Variants in SCO1 observed in about 807,000 individuals in gnomAD.
The protein encoded by SCO1 is cytochrome c oxidase assembly factor SCO1.
In SCO1, 23 loss-of-function variants were observed where a neutral mutation model predicts 34.0. The observed-to-expected ratio is 0.68, with a 90% confidence interval of 0.49 to 0.96. The LOEUF (loss-of-function observed/expected upper bound fraction) is 0.96, where lower values mean the gene tolerates loss of function less well. Among genes scored for constraint, SCO1 ranks in the 40% least tolerant of loss-of-function variants. The pLI, the probability that SCO1 is intolerant of heterozygous loss-of-function variation, is 0.00. For synonymous variants in SCO1, 161 were observed against 145.5 expected (o/e 1.11, Z -0.77); for missense variants, 404 against 381.6 (o/e 1.06, Z -0.49).
Position 10,688,869 on chromosome 17 carries a change from C to G in SCO1, c.656-2027G>C, listed in dbSNP as rs530852271. On this transcript the variant is annotated intron_variant, in intron 4 of 5. Transcript: ENST00000255390. ...CGGTGGCTCACGCCTGTAATCCCAG[C>G]ACTTTGGGAGGCCGAGGCGGGCGGA... is the stretch of plus-strand genomic sequence containing the variant. Among the ~76,000 whole-genome samples, 37 of 141,056 alleles carry G rather than the reference C, an allele frequency of 2.6e-4. 1 individual carries two copies. The highest frequency in any genetic ancestry group is 1.2e-3 in the African/African-American group (37 of 31,268). 92.5% of individuals were successfully genotyped at this position (141,056 alleles called of 152,430 possible).
chr17:10,693,001 C>T (rs1335222632), intron 2 of SCO1, 40 bp from the exon 3 acceptor site: 1 of 1,577,696 alleles, frequency 6.3e-7, no homozygotes, highest in Non-Finnish European at 8.7e-7. Context: ...AAAAAAAAGT[C>T]AATTTAACCA....
At chr17:10,692,316 A>G (rs1280366162) in intron 3 of SCO1, among the ~76,000 whole-genome samples, 2 of 152,154 alleles carry the variant, frequency 1.3e-5, no homozygotes, top group Non-Finnish European at 2.9e-5. Context: ...CTCCCACCAT[A>G]TCTCAAGGGC....
chr17:10,686,791 T>C lies in SCO1; in HGVS notation c.707A>G (p.Gln236Arg). The change falls in exon 5 of 6, where the codon CAA becomes CGA. Residue 236 changes from glutamine to arginine, a missense_variant. Transcript: ENST00000255390. Reference protein sequence around the residue: ...GLTGTREEVDQVARAYRVYYS... With the variant: ...GLTGTREEVDRVARAYRVYYS... ...ATACACTCTGTATGCTCTGGCCACT[T>C]GATCGACCTCTTCTCTCGTGCCAGT... is the stretch of plus-strand genomic sequence containing the variant. The C allele has an allele frequency of 1.2e-6, 2 of 1,614,118 alleles. No homozygotes were observed. The highest frequency in any genetic ancestry group is 2.2e-5 in the South Asian group (2 of 91,080).
At chr17:10,695,598 T>C in intron 2 of SCO1, 143 bp downstream of exon 2, 1 of 621,354 alleles carries the variant, frequency 1.6e-6, no homozygotes, top group Middle Eastern at 3.6e-4. Context: ...GGGTGAAAGG[T>C]ATGTAGAACC....
intron 1 of SCO1, among the ~76,000 whole-genome samples, chr17:10,696,228 T>A (rs928511094): frequency 2.0e-5 from 3 of 152,094 alleles, no homozygotes; most frequent in Admixed American, 6.6e-5. Context: ...GTGGATCACC[T>A]GAGGTCGGGA....
chr17:10,681,146 G>A lies in SCO1; in HGVS notation c.879C>T (p.His293=). The change falls in exon 6 of 6, where the codon CAC becomes CAT. Residue 293 remains histidine, a synonymous_variant. Coordinates refer to ENST00000255390, the MANE Select transcript of SCO1 (RefSeq NM_004589.4). Reference sequence around the variant, plus strand: ...AGCTCTTTTTTCTGTATGGCCTCATGTGTGTGGCAATTGAAGCAGCTATTT... The same window carrying A: ...AGCTCTTTTTTCTGTATGGCCTCATATGTGTGGCAATTGAAGCAGCTATTT... ...KGEIAASIAT[H]MRPYRKKS 6.2e-7 allele frequency: 1 copy of A among 1,614,180 alleles called. No homozygotes were observed.
chr17:10,678,572 A>G lies in SCO1; in HGVS notation c.*2547T>C, dbSNP rs2074597665. On this transcript the variant is annotated 3_prime_UTR_variant, in exon 6 of 6. Coordinates refer to ENST00000255390, the MANE Select transcript of SCO1 (RefSeq NM_004589.4). ...ACACAAATGTTTTGTGGCTTAAAAC[A>G]GATAATCTTTTTAAAGATTTGGCCT... The G allele has an allele frequency of 6.6e-6, 1 of 152,246 alleles. No individual in the cohort carries two copies. Among genetic ancestry groups the G allele is most frequent in the Non-Finnish European group, 1.5e-5 (1 of 68,046 alleles). The allele number at this position is 152,246 out of a possible 1,614,324, so 9.4% of individuals were successfully genotyped here. A position where few individuals can be genotyped will look rare whatever the true frequency, so the allele number is the denominator to read the frequency against.
At position 10,680,965 on chromosome 17, in the gene SCO1, G is replaced by A. The variant is rs1036606717; in HGVS notation, c.*154C>T. ...AAGAATCAATTTTGGTTGAACGCAA[G>A]GGTAACATCCCCATCCAAAACAGAA... On this transcript the variant is annotated 3_prime_UTR_variant, in exon 6 of 6. Coordinates refer to ENST00000255390, the MANE Select transcript of SCO1 (RefSeq NM_004589.4). The A allele has an allele frequency of 1.1e-5, 10 of 922,602 alleles. No homozygotes were observed. The African/African-American group carries it at 1.6e-4, about 15-fold the overall frequency. The allele number at this position is 922,602 out of a possible 1,614,324, so 57.2% of individuals were successfully genotyped here.
intron 2 of SCO1, among the ~76,000 whole-genome samples, chr17:10,694,385 T>C (rs1020919468): frequency 2.6e-5 from 4 of 152,182 alleles, no homozygotes; most frequent in African/African-American, 9.7e-5. Flanking sequence ...TGGCAAAACT[T>C]GGAAGACTGA....
intron 4 of SCO1, 142 bp from the exon 5 acceptor site, chr17:10,686,984 G>C (rs2074660903): frequency 1.5e-6 from 1 of 674,898 alleles, no homozygotes; most frequent in Non-Finnish European, 2.7e-6. Flanking sequence ...ACGATTCAAA[G>C]GAAAAGGAGA....
intron 2 of SCO1, among the ~76,000 whole-genome samples, chr17:10,694,124 A>C (rs2074707718): frequency 6.6e-6 from 1 of 152,244 alleles, no homozygotes; most frequent in Admixed American, 6.5e-5. Flanking sequence ...TGCACGGAGA[A>C]TACAGCATCA....
intron 4 of SCO1, 131 bp from the exon 5 acceptor site, chr17:10,686,973 C>A: frequency 1.4e-6 from 1 of 699,604 alleles, no homozygotes; most frequent in East Asian, 2.7e-5. Context: ...AACATTTCTT[C>A]ACGATTCAAA....
chr17:10,693,814 G>A (rs1467480823), intron 2 of SCO1, among the ~76,000 whole-genome samples: 1 of 152,246 alleles, frequency 6.6e-6, no homozygotes, highest in Non-Finnish European at 1.5e-5. Context: ...ACAGAAGCCT[G>A]CTCCAAGGGG....
Position 10,697,332 on chromosome 17 carries a change from C to G in SCO1, c.176G>C (p.Gly59Ala), listed in dbSNP as rs559882623. Residue 59 changes from glycine to alanine, a missense_variant, in exon 1 of 6, where the codon GGC becomes GCC. Gly to Ala is a moderately conservative substitution (Grantham distance 60). Coordinates refer to ENST00000255390, the MANE Select transcript of SCO1 (RefSeq NM_004589.4). The stretch of plus-strand genomic sequence containing the variant: ...GAGGGGCCGGGTTCCCAGGCAATAG[C>G]CAGGGCGCCCCGAGGCACGCCACGC... ...AEAWRASGRP[G>A]YCLGTRPLST... is the part of the protein sequence containing the mutation. 6.4e-7 allele frequency: 1 copy of G among 1,572,778 alleles called. No homozygotes were observed. Among genetic ancestry groups the G allele is most frequent in the Non-Finnish European group, 8.6e-7 (1 of 1,159,830 alleles).
Position 10,681,052 on chromosome 17 carries a change from G to C in SCO1, c.*67C>G. ...ACGTATATATGTTTATATTTATATA[G>C]GCTCCTATGCGAGACAGTTTCCTTC... On this transcript the variant is annotated 3_prime_UTR_variant, in exon 6 of 6. Coordinates refer to ENST00000255390, the MANE Select transcript of SCO1 (RefSeq NM_004589.4). 6.4e-7 allele frequency: 1 copy of C among 1,558,482 alleles called. No individual in the cohort carries two copies. The highest frequency in any genetic ancestry group is 8.9e-7 in the Non-Finnish European group (1 of 1,129,706).
rs767819826 is a variant in SCO1 at position 10,675,161 on chromosome 17, C to A, written c.*5958G>T. 4.6e-5 allele frequency: 7 copies of A among 152,246 alleles called. No homozygotes were observed. Among genetic ancestry groups the A allele is most frequent in the Non-Finnish European group, 7.3e-5 (5 of 68,082 alleles). 9.4% of individuals were successfully genotyped at this position (152,246 alleles called of 1,614,324 possible). On this transcript the variant is annotated 3_prime_UTR_variant, in exon 6 of 6. Transcript: ENST00000255390. ...AGCGATTGATTTCCTGCCCCTTCAACTGAGGGTGAGAAGACACTGTCTCTG... is the reference window on the plus strand; with the variant it reads ...AGCGATTGATTTCCTGCCCCTTCAAATGAGGGTGAGAAGACACTGTCTCTG...
chr17:10,686,744 C>T lies in SCO1; in HGVS notation c.754G>A (p.Glu252Lys), dbSNP rs374059293. ...TTACTCACTATGTAGTCTTCATCTT[C>T]GTCCTTGGGGCCAGGGCTGTAATAC... ...RVYYSPGPKD[E>K]DEDYIVDHTI... Residue 252 changes from glutamate (E) to lysine (K), a missense_variant, in exon 5 of 6, where the codon GAA (glutamate) becomes AAA (lysine). Physicochemically the swap from Glu to Lys is moderately conservative, Grantham distance 56. Coordinates refer to ENST00000255390, the MANE Select transcript of SCO1 (RefSeq NM_004589.4). 1.9e-6 allele frequency: 3 copies of T among 1,609,848 alleles called. No homozygotes were observed. Among genetic ancestry groups the T allele is most frequent in the Non-Finnish European group, 2.6e-6 (3 of 1,176,122 alleles).
In SCO1 at chr17:10,681,124, T is replaced by C; in HGVS notation, c.901A>G (p.Ser301Gly). 1.2e-6 allele frequency: 2 copies of C among 1,614,230 alleles called. No homozygotes were observed. The highest frequency in any genetic ancestry group is 1.7e-6 in the Non-Finnish European group (2 of 1,180,042). The part of the protein sequence containing the change: ...ATHMRPYRKK[S>G] ...ATCCAGCAACACTGCTTTGGCTAGCTCTTTTTTCTGTATGGCCTCATGTGT... is the reference window on the plus strand; with the variant it reads ...ATCCAGCAACACTGCTTTGGCTAGCCCTTTTTTCTGTATGGCCTCATGTGT... The change falls in exon 6 of 6, where the codon AGC becomes GGC. Residue 301 changes from serine to glycine, a missense_variant. Coordinates refer to ENST00000255390, the MANE Select transcript of SCO1 (RefSeq NM_004589.4).
intron 5 of SCO1, among the ~76,000 whole-genome samples, chr17:10,684,419 T>C (rs2151453159): frequency 6.6e-6 from 1 of 152,318 alleles, no homozygotes; most frequent in African/African-American, 2.4e-5. Flanking sequence ...GTATTTTAAA[T>C]AGAAAATGCA....
Sources: gnomAD v4.1 joint callset for allele counts (sites outside exome capture counted in the v4.1 genomes callset) on GRCh38, gnomAD v4.1.1 for gene constraint, MANE v1.5 for transcripts, NCBI Gene and HGNC (gene_info 2026-07-23, HGNC 2026-07-21) for gene names.